The following ZFPM2 variants were observed in gnomAD, a reference collection of about 807,000 sequenced individuals.
ZFPM2 encodes the protein zinc finger protein, FOG family member 2.
Under a neutral mutation model 98.6 loss-of-function variants are expected in ZFPM2, and 20 were observed. That is an observed-to-expected ratio of 0.20 (90% CI 0.14 to 0.29). The LOEUF (loss-of-function observed/expected upper bound fraction) is 0.29, where lower values mean the gene tolerates loss of function less well. Ranked by LOEUF, ZFPM2 falls within the 10% of genes least tolerant of loss-of-function variation. The pLI is 1.00. For synonymous variants in ZFPM2, 518 were observed against 502.7 expected (o/e 1.03, Z -0.41); for missense variants, 1,310 against 1,388.6 (o/e 0.94, Z 0.90).
intron 5 of ZFPM2, among the ~76,000 whole-genome samples, chr8:105,683,600 T>C (rs1372880873): frequency 1.3e-5 from 2 of 152,134 alleles, no homozygotes; most frequent in Non-Finnish European, 2.9e-5. Flanking sequence ...CACAGCAATA[T>C]TTCTGGCTTC....
intron 3 of ZFPM2, among the ~76,000 whole-genome samples, chr8:105,556,351 A>C (rs1814990641): frequency 6.6e-6 from 1 of 152,168 alleles, no homozygotes; most frequent in African/African-American, 2.4e-5. Flanking sequence ...TAATGGAAGT[A>C]TATGGACATG....
chr8:105,347,039 G>C (rs1812551180), intron 1 of ZFPM2, among the ~76,000 whole-genome samples: 1 of 152,148 alleles, frequency 6.6e-6, no homozygotes, highest in South Asian at 2.1e-4. Flanking sequence ...TTTAAAGAAG[G>C]ATCCATGCAG....
chr8:105,443,326 C>CAA (rs60238590), intron 2 of ZFPM2, among the ~76,000 whole-genome samples: 4 of 122,574 alleles, frequency 3.3e-5, no homozygotes, highest in African/African-American at 9.9e-5. Context: ...AAACAAAAAA[C>CAA]AAAAAAAAAA....
intron 4 of ZFPM2, among the ~76,000 whole-genome samples, chr8:105,614,027 A>T (rs1272829542): frequency 6.6e-6 from 1 of 152,156 alleles, no homozygotes; most frequent in Non-Finnish European, 1.5e-5. Flanking sequence ...GATTTTTGGA[A>T]TCTAGTAGTT....
At chr8:105,357,536 C>G (rs1313409405) in intron 1 of ZFPM2, among the ~76,000 whole-genome samples, 3 of 152,136 alleles carry the variant, frequency 2.0e-5, no homozygotes, top group Non-Finnish European at 4.4e-5. Flanking sequence ...AAAACCATAA[C>G]TAGCTACAGA....
intron 4 of ZFPM2, among the ~76,000 whole-genome samples, chr8:105,598,491 A>T (rs751459103): frequency 5.3e-5 from 8 of 152,152 alleles, no homozygotes; most frequent in Non-Finnish European, 1.2e-4. Context: ...TTTCAATGTG[A>T]TTAAATTTTA....
At position 105,798,952 on chromosome 8, in the gene ZFPM2, A is replaced by C. The variant is rs749813399; in HGVS notation, c.964+4A>C. On this transcript the variant is annotated splice_donor_region_variant and intron_variant, in intron 7 of 7. Transcript: ENST00000407775. Reference sequence around the variant, plus strand: ...ATGCACCTGAATTCACACAGTGGTAAATGCCCCTTTTGTTTCTTCTGTTGC... The same window carrying C: ...ATGCACCTGAATTCACACAGTGGTACATGCCCCTTTTGTTTCTTCTGTTGC... 18 of 1,611,170 alleles carry C rather than the reference A, an allele frequency of 1.1e-5. No individual in the cohort carries two copies. In the African/African-American group the frequency reaches 2.3e-4, roughly 20 times the overall value.
intron 1 of ZFPM2, among the ~76,000 whole-genome samples, chr8:105,344,698 C>T (rs1812484825): frequency 6.6e-6 from 1 of 151,816 alleles, no homozygotes; most frequent in Non-Finnish European, 1.5e-5. Context: ...TGTGTGTATA[C>T]ATATATGTAT....
intron 3 of ZFPM2, among the ~76,000 whole-genome samples, chr8:105,505,074 G>A (rs1813672326): frequency 6.6e-6 from 1 of 152,058 alleles, no homozygotes; most frequent in African/African-American, 2.4e-5. Flanking sequence ...AAATTACATG[G>A]GTTTGGAATA....
chr8:105,798,496 G>A (rs1373983840), intron 6 of ZFPM2: 3 of 463,636 alleles, frequency 6.5e-6, no homozygotes, highest in Non-Finnish European at 1.1e-5. Flanking sequence ...TTAAATGTTG[G>A]AGTCTCCTCT....
At chr8:105,549,316 A>G (rs1387603153) in intron 3 of ZFPM2, among the ~76,000 whole-genome samples, 1 of 152,154 alleles carries the variant, frequency 6.6e-6, no homozygotes, top group Admixed American at 6.5e-5. Flanking sequence ...TGTGATATAG[A>G]TGTATTTTAC....
At chr8:105,586,700 C>T (rs988289104) in intron 4 of ZFPM2, among the ~76,000 whole-genome samples, 8 of 151,746 alleles carry the variant, frequency 5.3e-5, no homozygotes, top group African/African-American at 1.5e-4. Flanking sequence ...GGATTACAGG[C>T]GTGAGCCACC....
intron 1 of ZFPM2, among the ~76,000 whole-genome samples, chr8:105,355,009 A>G (rs994053497): frequency 1.3e-5 from 2 of 152,174 alleles, no homozygotes; most frequent in Non-Finnish European, 2.9e-5. Context: ...CAAATGTTCT[A>G]AAGTTTCTAT....
chr8:105,464,799 G>A (rs1812767561), intron 3 of ZFPM2, among the ~76,000 whole-genome samples: 1 of 152,014 alleles, frequency 6.6e-6, no homozygotes, highest in African/African-American at 2.4e-5. Flanking sequence ...GGCAAACAAT[G>A]TCTGTGATCT....
chr8:105,785,969 GAGGCAGAGCTTGC>G (rs1813403084), intron 5 of ZFPM2, among the ~76,000 whole-genome samples: 2 of 145,282 alleles, frequency 1.4e-5, no homozygotes, highest in African/African-American at 5.2e-5. Flanking sequence ...ATGAAACCCA[GAGGCAGAGCTTGC>G]AGTGAGCGGA....
intron 4 of ZFPM2, among the ~76,000 whole-genome samples, chr8:105,604,598 A>C (rs1459931191): frequency 6.6e-6 from 1 of 151,922 alleles, no homozygotes; most frequent in African/African-American, 2.4e-5. Context: ...CGACCACATT[A>C]GTCTCTTTTC....
intron 5 of ZFPM2, among the ~76,000 whole-genome samples, chr8:105,661,679 T>C (rs929894191): frequency 1.3e-4 from 20 of 152,056 alleles, no homozygotes; most frequent in African/African-American, 4.8e-4. Context: ...TGTGGGGCTC[T>C]GTGATTTTTT....
At chr8:105,458,139 C>T (rs1812626966) in intron 3 of ZFPM2, among the ~76,000 whole-genome samples, 1 of 152,112 alleles carries the variant, frequency 6.6e-6, no homozygotes, top group Non-Finnish European at 1.5e-5. Flanking sequence ...AACTTCTTGC[C>T]TACAGCAGAG....
intron 5 of ZFPM2, among the ~76,000 whole-genome samples, chr8:105,674,585 G>A (rs772708132): frequency 2.6e-5 from 4 of 152,038 alleles, no homozygotes; most frequent in African/African-American, 9.7e-5. Context: ...TTTTTAAAAG[G>A]CATTCCCTAT....
Sources: gnomAD v4.1 joint callset for allele counts (sites outside exome capture counted in the v4.1 genomes callset) on GRCh38, gnomAD v4.1.1 for gene constraint, MANE v1.5 for transcripts, NCBI Gene and HGNC (gene_info 2026-07-23, HGNC 2026-07-21) for gene names.